Variants in KALRN observed in about 807,000 individuals in gnomAD.
KALRN encodes kalirin RhoGEF kinase, also known as kalirin.
KALRN carries 70 observed loss-of-function variants against 353.7 expected under a neutral mutation model. The ratio of observed to expected loss-of-function variants is 0.20; its 90% CI spans 0.16 to 0.24. KALRN has a LOEUF of 0.24. Ranked by LOEUF, KALRN falls within the 10% of genes least tolerant of loss-of-function variation. The pLI is 1.00. For missense variants in KALRN, 2,791 were observed against 3,756.7 expected (o/e 0.74, Z 6.72); for synonymous variants, 1,391 against 1,434.8 (o/e 0.97, Z 0.69).
intron 57 of KALRN, among the ~76,000 whole-genome samples, chr3:124,707,435 T>TTCCC (rs2062684612): frequency 6.7e-6 from 1 of 149,520 alleles, no homozygotes; most frequent in East Asian, 2.0e-4. Flanking sequence ...CCTTCCTTCC[T>TTCCC]TCCTTCCTTC....
Position 124,152,299 on chromosome 3 carries a change from A to G in KALRN, c.74-75691A>G, listed in dbSNP as rs1355178378. 4 of 1,216,738 alleles carry G rather than the reference A, an allele frequency of 3.3e-6. No homozygotes were observed. In the African/African-American group the frequency reaches 4.4e-5, roughly 13 times the overall value. The allele number at this position is 1,216,738 out of a possible 1,614,324, so 75.4% of individuals were successfully genotyped here. A position where few individuals can be genotyped will look rare whatever the true frequency, so the allele number is the denominator to read the frequency against. On this transcript the variant is annotated intron_variant, in intron 1 of 59. Transcript: ENST00000682506. ...AATATATGGTTCTACAGTCCTCAGC[A>G]TATTAATTGAAGTCTTGTTAAGCTT...
intron 1 of KALRN, among the ~76,000 whole-genome samples, chr3:124,183,399 G>A (rs1433151064): frequency 6.6e-6 from 1 of 152,154 alleles, no homozygotes; most frequent in Non-Finnish European, 1.5e-5. Flanking sequence ...GTGGGAGCAA[G>A]AGGCTGGGGA....
intron 5 of KALRN, among the ~76,000 whole-genome samples, chr3:124,280,394 C>T (rs1426834667): frequency 1.3e-5 from 2 of 152,200 alleles, no homozygotes; most frequent in Non-Finnish European, 1.5e-5. Flanking sequence ...TACTCTCTTC[C>T]TTCCCCTGCA....
At chr3:124,705,274 G>A (rs1239955338) in intron 57 of KALRN, among the ~76,000 whole-genome samples, 1 of 151,940 alleles carries the variant, frequency 6.6e-6, no homozygotes, top group African/African-American at 2.4e-5. Context: ...TATAATGCAG[G>A]GTTTATTTTA....
intron 1 of KALRN, among the ~76,000 whole-genome samples, chr3:124,147,280 G>C (rs778088245): frequency 1.3e-5 from 2 of 152,138 alleles, no homozygotes; most frequent in Admixed American, 1.3e-4. Context: ...TCCAGAATAC[G>C]AATGAGGAGA....
chr3:124,282,493 T>A (rs1347259601), intron 5 of KALRN, among the ~76,000 whole-genome samples: 1 of 151,600 alleles, frequency 6.6e-6, no homozygotes, highest in Non-Finnish European at 1.5e-5. Flanking sequence ...TTCTCCTGCC[T>A]CAGCCTCCTG....
chr3:124,658,293 C>T, intron 41 of KALRN, 138 bp from the exon 42 acceptor site: 1 of 699,724 alleles, frequency 1.4e-6, no homozygotes, highest in Non-Finnish European at 2.6e-6. Flanking sequence ...ACATTTATAT[C>T]CTTGATATTC....
At chr3:124,628,509 T>C (rs796854269) in intron 34 of KALRN, among the ~76,000 whole-genome samples, 11 of 56,302 alleles carry the variant, frequency 2.0e-4, no homozygotes, top group South Asian at 6.4e-4. Context: ...TTCCTTCCCT[T>C]CCTTCCCTTC....
At chr3:124,395,883 ACTC>A (rs2090098629) in intron 12 of KALRN, among the ~76,000 whole-genome samples, 1 of 152,080 alleles carries the variant, frequency 6.6e-6, no homozygotes. Flanking sequence ...AGAAAATAAA[ACTC>A]CTTCTGCATC....
intron 1 of KALRN, among the ~76,000 whole-genome samples, chr3:124,072,654 A>G (rs1164333944): frequency 6.6e-6 from 1 of 152,228 alleles, no homozygotes; most frequent in East Asian, 1.9e-4. Flanking sequence ...GTGATCTACC[A>G]TCTGTAGCTA....
At chr3:124,070,422 G>A (rs2059961382) in intron 1 of KALRN, among the ~76,000 whole-genome samples, 1 of 152,074 alleles carries the variant, frequency 6.6e-6, no homozygotes, top group African/African-American at 2.4e-5. Flanking sequence ...CTTTGTTCCT[G>A]CTGGAACCTT....
intron 51 of KALRN, 124 bp downstream of exon 51, chr3:124,679,641 G>A (rs1183868711): frequency 1.2e-6 from 1 of 832,532 alleles, no homozygotes; most frequent in Non-Finnish European, 2.1e-6. Flanking sequence ...GGCATCTCTG[G>A]GTATCCCATC....
intron 33 of KALRN, among the ~76,000 whole-genome samples, chr3:124,549,456 T>G (rs920830359): frequency 2.6e-5 from 4 of 151,696 alleles, no homozygotes; most frequent in Non-Finnish European, 1.5e-5. Context: ...AACACAGAGC[T>G]CTGGGATGCC....
intron 5 of KALRN, among the ~76,000 whole-genome samples, chr3:124,272,190 T>TATTTATTTA (rs2074241264): frequency 6.6e-6 from 1 of 152,222 alleles, no homozygotes; most frequent in Admixed American, 6.5e-5. Context: ...GTTATTACGT[T>TATTTATTTA]TTAAAAATAG....
At chr3:124,646,822 A>G (rs2082816345) in intron 37 of KALRN, among the ~76,000 whole-genome samples, 1 of 137,278 alleles carries the variant, frequency 7.3e-6, no homozygotes, top group Admixed American at 7.4e-5. Context: ...TTCAGTATTG[A>G]AATTTTGATA....
chr3:124,639,341 GC>G (rs2149933086), intron 37 of KALRN, among the ~76,000 whole-genome samples: 1 of 152,270 alleles, frequency 6.6e-6, no homozygotes, highest in Admixed American at 6.5e-5. Context: ...CAGCTCTTAA[GC>G]AGCTCTGTGG....
chr3:124,320,102 A>G (rs980379088), intron 6 of KALRN, among the ~76,000 whole-genome samples: 1 of 152,162 alleles, frequency 6.6e-6, no homozygotes, highest in African/African-American at 2.4e-5. Flanking sequence ...TATATTTTGT[A>G]TTAGCTTTTT....
chr3:124,111,798 A>C (rs1284521344), intron 1 of KALRN, among the ~76,000 whole-genome samples: 2 of 152,242 alleles, frequency 1.3e-5, no homozygotes, highest in Admixed American at 6.5e-5. Context: ...TTATTTAATC[A>C]AAAATATTAA....
rs369212285 is a variant in KALRN, at chr3:124,560,721, TGGTACACACCTGTACCACCTACTG to T, written c.4936-2111_4936-2088del. ...AAAAATAAAAATTAGCTGAGTGTGG[TGGTACACACCTGTACCACCTACTG>T]GGTACACACCGGTCCCAGCTACTCA... On this transcript the variant is annotated intron_variant, in intron 33 of 59. Coordinates refer to ENST00000682506, the MANE Select transcript of KALRN (RefSeq NM_001388419.1). Among the ~76,000 whole-genome samples, 1,041 of 152,264 alleles carry T rather than the reference TGGTACACACCTGTACCACCTACTG, an allele frequency of 6.8e-3. 13 individuals are homozygous for T. Among genetic ancestry groups the T allele is most frequent in the Middle Eastern group, 0.024 (7 of 294 alleles).
Sources: allele counts gnomAD v4.1 joint callset (sites outside exome capture counted in the v4.1 genomes callset), GRCh38; gene constraint gnomAD v4.1.1; transcripts MANE v1.5; gene names NCBI Gene and HGNC (gene_info 2026-07-23, HGNC 2026-07-21).